The following RBFOX2 variants were observed in gnomAD, a reference collection of about 807,000 sequenced individuals.
RBFOX2 encodes the protein RNA binding fox-1 homolog 2, also known as RNA binding protein fox-1 homolog 2.
RBFOX2 carries 10 observed loss-of-function variants against 49.1 expected under a neutral mutation model. The observed-to-expected ratio is 0.20, with a 90% CI of 0.13 to 0.35. RBFOX2 has a LOEUF of 0.35. Ranked by LOEUF, RBFOX2 falls within the 10% of genes least tolerant of loss-of-function variation. The pLI is 1.00. For missense variants in RBFOX2, 323 were observed against 486.9 expected, an observed-to-expected ratio of 0.66 and a Z score of 3.17; for synonymous variants, 183 against 187.4, an observed-to-expected ratio of 0.98 and a Z score of 0.19.
At chr22:35,918,086 T>A (rs986644190) in intron 1 of RBFOX2, among the ~76,000 whole-genome samples, 1 of 152,266 alleles carries the variant, frequency 6.6e-6, no homozygotes, top group Non-Finnish European at 1.5e-5. Flanking sequence ...GCTCAGGAAC[T>A]GAGGGCCAAG....
chr22:35,985,075 A>G (rs1405536145), intron 1 of RBFOX2, among the ~76,000 whole-genome samples: 2 of 152,236 alleles, frequency 1.3e-5, no homozygotes, highest in Non-Finnish European at 2.9e-5. Context: ...GTAATGGTGG[A>G]TGGTGGCTGT....
At chr22:35,858,270 T>C (rs1332702795) in intron 1 of RBFOX2, among the ~76,000 whole-genome samples, 1 of 152,238 alleles carries the variant, frequency 6.6e-6, no homozygotes, top group African/African-American at 2.4e-5. Context: ...GGAGAATTTT[T>C]ACTTTATTTT....
intron 1 of RBFOX2, among the ~76,000 whole-genome samples, chr22:35,882,596 C>T (rs955110451): frequency 6.6e-6 from 1 of 152,020 alleles, no homozygotes; most frequent in Non-Finnish European, 1.5e-5. Context: ...ACTTGATGAT[C>T]CCAGAGAGAG....
chr22:35,740,484 G>A (rs1929353283), exon 12 of RBFOX2: 1 of 152,332 alleles, frequency 6.6e-6, no homozygotes, highest in African/African-American at 2.4e-5. Context: ...TTAAAACAGT[G>A]CAAACAGGTA....
At chr22:35,751,286 T>C (rs1218229810) in intron 9 of RBFOX2, among the ~76,000 whole-genome samples, 1 of 152,216 alleles carries the variant, frequency 6.6e-6, no homozygotes, top group Non-Finnish European at 1.5e-5. Flanking sequence ...ACCTTCTTTC[T>C]ACCCGGAAGA....
chr22:35,994,873 C>T (rs2058125633), intron 1 of RBFOX2: 1 of 152,156 alleles, frequency 6.6e-6, no homozygotes, highest in Non-Finnish European at 1.5e-5. Context: ...ACCGTATTAC[C>T]ATATTACACA....
chr22:35,846,166 T>G (rs1298689664), intron 1 of RBFOX2, among the ~76,000 whole-genome samples: 1 of 149,794 alleles, frequency 6.7e-6, no homozygotes, highest in Non-Finnish European at 1.5e-5. Context: ...TTACATACAC[T>G]ATAATTATAA....
intron 5 of RBFOX2, among the ~76,000 whole-genome samples, chr22:35,766,533 C>T (rs903453062): frequency 6.6e-5 from 10 of 151,922 alleles, no homozygotes; most frequent in Non-Finnish European, 1.0e-4. Context: ...CAGTGATAAT[C>T]CCCCATATGA....
At chr22:36,026,277 T>C (rs1175459960) in intron 1 of RBFOX2, among the ~76,000 whole-genome samples, 4 of 113,862 alleles carry the variant, frequency 3.5e-5, no homozygotes, top group Non-Finnish European at 6.9e-5. Context: ...AAAGAGAATG[T>C]ATAGAAAGAA....
In RBFOX2 at chr22:35,938,878, C is replaced by T. The variant is rs201602397; in HGVS notation, c.-65G>A. The T allele has an allele frequency of 1.9e-6, 3 of 1,613,856 alleles. No homozygotes were observed. The East Asian group carries it at 6.7e-5, about 36-fold the overall frequency. The stretch of plus-strand genomic sequence containing the variant: ...GTCCCGCGCTGGGAATCCATGATAA[C>T]CTGGAGTCAGAGGCTCGTTCTATGA... On this transcript the variant is annotated 5_prime_UTR_variant, in exon 1 of 14. Transcript: ENST00000359369.
chr22:35,913,212 G>A (rs2050019951), intron 1 of RBFOX2, among the ~76,000 whole-genome samples: 3 of 152,010 alleles, frequency 2.0e-5, no homozygotes, highest in Admixed American at 6.6e-5. Flanking sequence ...AGTGGCTGGT[G>A]CCTATAATCC....
intron 2 of RBFOX2, among the ~76,000 whole-genome samples, chr22:35,794,970 G>A (rs1022948733): frequency 1.3e-5 from 2 of 152,164 alleles, no homozygotes; most frequent in African/African-American, 4.8e-5. Context: ...ATATTAACAT[G>A]TGCTGAAAGG....
At chr22:35,823,202 GTT>G (rs1954918414) in intron 1 of RBFOX2, among the ~76,000 whole-genome samples, 1 of 152,222 alleles carries the variant, frequency 6.6e-6, no homozygotes, top group South Asian at 2.1e-4. Context: ...GTTGGAAAGG[GTT>G]TGGCAATGCC....
chr22:35,997,541 T>C (rs1452918859), intron 1 of RBFOX2: 1 of 152,242 alleles, frequency 6.6e-6, no homozygotes, highest in African/African-American at 2.4e-5. Flanking sequence ...CCATCTCATT[T>C]CAATATATAT....
intron 1 of RBFOX2, chr22:35,996,271 T>C (rs537741113): frequency 2.6e-5 from 4 of 152,102 alleles, no homozygotes; most frequent in South Asian, 2.1e-4. Context: ...TCTCCCACGG[T>C]ACAGGATAAA....
Position 35,902,082 on chromosome 22 carries a change from A to T in RBFOX2, c.-34+36765T>A, listed in dbSNP as rs2048649504. The stretch of plus-strand genomic sequence containing the variant: ...GCGACAGAGTGAGACTCTGTCTCAA[A>T]AAAAAAAGAGAAGAAAAGCTGCATC... On this transcript the variant is annotated intron_variant, in intron 1 of 13. Coordinates refer to the RBFOX2 transcript ENST00000359369. Among the ~76,000 whole-genome samples the T allele has an allele frequency of 2.6e-5, 4 of 152,178 alleles. No homozygotes were observed. In the Middle Eastern group the frequency reaches 0.014, roughly 518 times the overall value.
At chr22:35,789,451 G>A (rs1434718908) in intron 2 of RBFOX2, among the ~76,000 whole-genome samples, 1 of 152,110 alleles carries the variant, frequency 6.6e-6, no homozygotes, top group African/African-American at 2.4e-5. Context: ...GCTGAAGCAG[G>A]AGAATTGCTT....
chr22:35,859,711 A>G (rs954546465), intron 1 of RBFOX2, among the ~76,000 whole-genome samples: 2 of 152,222 alleles, frequency 1.3e-5, no homozygotes. Flanking sequence ...GTAAATGGAT[A>G]GGACAATAGT....
intron 9 of RBFOX2, among the ~76,000 whole-genome samples, chr22:35,753,197 C>T (rs995561411): frequency 1.1e-4 from 17 of 152,092 alleles, no homozygotes; most frequent in Admixed American, 9.2e-4. Context: ...ATATGCCTTT[C>T]GGAGGAAATA....
Sources: allele counts gnomAD v4.1 joint callset (sites outside exome capture counted in the v4.1 genomes callset), GRCh38; gene constraint gnomAD v4.1.1; transcripts MANE v1.5; gene names NCBI Gene and HGNC (gene_info 2026-07-23, HGNC 2026-07-21).